The following WRN variants were observed in gnomAD, a reference collection of about 807,000 sequenced individuals.
WRN encodes bifunctional 3'-5' exonuclease/ATP-dependent helicase WRN.
WRN carries 149 observed loss-of-function variants against 180.7 expected under a neutral mutation model. That is an observed-to-expected ratio of 0.82 (90% CI 0.72 to 0.94). WRN has a LOEUF of 0.94. Ranked by LOEUF, WRN falls within the 40% of genes least tolerant of loss-of-function variation. The pLI is 0.00. For synonymous variants in WRN, 548 were observed against 568.9 expected (o/e 0.96, Z 0.52); for missense variants, 1,661 against 1,700.1 (o/e 0.98, Z 0.40).
intron 33 of WRN, among the ~76,000 whole-genome samples, chr8:31,158,453 C>G (rs1268573688): frequency 1.3e-5 from 2 of 151,754 alleles, no homozygotes; most frequent in African/African-American, 4.8e-5. Flanking sequence ...AGGATTTTCT[C>G]TCCTAGATGT....
At chr8:31,143,501 A>G in intron 27 of WRN, 49 bp from the exon 28 acceptor site, 2 of 1,307,406 alleles carry the variant, frequency 1.5e-6, no homozygotes, top group South Asian at 2.6e-5. Context: ...TTCACATTTA[A>G]AAGTTTTTTG....
intron 18 of WRN, among the ~76,000 whole-genome samples, chr8:31,106,729 A>G (rs1353887222): frequency 2.6e-5 from 4 of 152,182 alleles, no homozygotes; most frequent in Non-Finnish European, 4.4e-5. Context: ...TGCTGTTTTA[A>G]AAATAGCACT....
rs144821061 is a variant in WRN, at chr8:31,042,549, G to T, written c.-77+8576G>T. Among the ~76,000 whole-genome samples the T allele has an allele frequency of 2.4e-3, 367 of 152,350 alleles. 1 individual carries two copies. Among genetic ancestry groups the T allele is most frequent in the African/African-American group, 8.6e-3 (357 of 41,578 alleles). On this transcript the variant is annotated intron_variant, in intron 1 of 34. Coordinates refer to ENST00000298139, the MANE Select transcript of WRN (RefSeq NM_000553.6). ...TGATGAGACTCTTCTTGTAGGAGTA[G>T]TAGGTGCCTTAAAGCACCTTTTCAT...
chr8:31,070,103 A>C (rs965195544), intron 7 of WRN, among the ~76,000 whole-genome samples: 4 of 151,758 alleles, frequency 2.6e-5, no homozygotes, highest in African/African-American at 9.7e-5. Flanking sequence ...CTCAGATTCC[A>C]GTGAATTGTA....
chr8:31,148,477 A>G (rs1445117771), intron 30 of WRN, among the ~76,000 whole-genome samples: 1 of 152,066 alleles, frequency 6.6e-6, no homozygotes, highest in African/African-American at 2.4e-5. Flanking sequence ...TTTTCCCTCT[A>G]AGTTACAGAA....
At chr8:31,035,742 G>C (rs1168094443) in intron 1 of WRN, among the ~76,000 whole-genome samples, 2 of 151,998 alleles carry the variant, frequency 1.3e-5, no homozygotes, top group Non-Finnish European at 2.9e-5. Flanking sequence ...CAGCTTTATT[G>C]AGATATAATT....
chr8:31,152,621 C>G (rs1419940601), intron 31 of WRN, among the ~76,000 whole-genome samples: 3 of 151,924 alleles, frequency 2.0e-5, no homozygotes, highest in African/African-American at 4.8e-5. Context: ...GTTGGCAAAG[C>G]TTACCTAAGC....
At chr8:31,108,145 TAAAAAA>T (rs919159988) in intron 18 of WRN, among the ~76,000 whole-genome samples, 11 of 152,290 alleles carry the variant, frequency 7.2e-5, no homozygotes, top group African/African-American at 2.2e-4. Flanking sequence ...TGCTGCCTGT[TAAAAAA>T]GAAATTAAGA....
chr8:31,167,434 G>A (rs1169869125), intron 34 of WRN, among the ~76,000 whole-genome samples: 1 of 152,064 alleles, frequency 6.6e-6, no homozygotes, highest in African/African-American at 2.4e-5. Flanking sequence ...TAGTCCATCT[G>A]TTTAGCTTAT....
intron 1 of WRN, among the ~76,000 whole-genome samples, chr8:31,047,600 A>G (rs1040285455): frequency 3.3e-5 from 5 of 152,178 alleles, no homozygotes; most frequent in Admixed American, 2.6e-4. Context: ...TTAAGGGTCT[A>G]GGGTGGAACG....
intron 7 of WRN, among the ~76,000 whole-genome samples, chr8:31,070,950 G>T (rs1401302559): frequency 6.6e-6 from 1 of 151,880 alleles, no homozygotes; most frequent in Non-Finnish European, 1.5e-5. Context: ...GGAGGCTGAG[G>T]CAGGAGAATC....
chr8:31,102,213 C>T (rs901681563), intron 18 of WRN, among the ~76,000 whole-genome samples: 2 of 152,236 alleles, frequency 1.3e-5, no homozygotes, highest in Non-Finnish European at 2.9e-5. Flanking sequence ...CTTCCCACCC[C>T]TGGCCCTAGC....
At position 31,175,425 on chromosome 8, in the gene WRN, C is replaced by G. The variant is rs1804247788; in HGVS notation, c.*2323C>G. ...ACCCCAGCCTGGCGACAGAGCAAGACTCCGTCTCAAAAATAAAAAAAGAAA... is the reference window on the plus strand; with the variant it reads ...ACCCCAGCCTGGCGACAGAGCAAGAGTCCGTCTCAAAAATAAAAAAAGAAA... On this transcript the variant is annotated 3_prime_UTR_variant, in exon 35 of 35. Coordinates refer to ENST00000298139, the MANE Select transcript of WRN (RefSeq NM_000553.6). 6.6e-6 allele frequency among the ~76,000 whole-genome samples: 1 copy of G among 152,142 alleles called. No homozygotes were observed. Among genetic ancestry groups the G allele is most frequent in the Non-Finnish European group, 1.5e-5 (1 of 68,036 alleles).
intron 31 of WRN, among the ~76,000 whole-genome samples, chr8:31,150,876 CTT>C (rs1426909687): frequency 6.6e-6 from 1 of 152,168 alleles, no homozygotes; most frequent in African/African-American, 2.4e-5. Context: ...GTAATGCTGT[CTT>C]TTGATAGTAA....
At chr8:31,081,336 G>A (rs2130122019) in intron 9 of WRN, 40 bp downstream of exon 9, 1 of 1,601,542 alleles carries the variant, frequency 6.2e-7, no homozygotes, top group Non-Finnish European at 8.5e-7. Flanking sequence ...GTTATTAGTA[G>A]GTTCTGGCAG....
chr8:31,131,839 A>C (rs1802188674), intron 23 of WRN: 1 of 159,772 alleles, frequency 6.3e-6, no homozygotes, highest in Admixed American at 6.4e-5. Context: ...CAGTCTCCTC[A>C]GCTGCTGCTT....
At chr8:31,107,698 A>G (rs530168114) in intron 18 of WRN, among the ~76,000 whole-genome samples, 7 of 152,286 alleles carry the variant, frequency 4.6e-5, no homozygotes, top group African/African-American at 1.4e-4. Context: ...GTTTCACACT[A>G]TATTATTTCA....
chr8:31,081,007 G>T lies in WRN; in HGVS notation c.980G>T (p.Gly327Val). ...LLSFEDSTTG[G>V]VQQKQIREHE... ...TCCTTTGAAGATTCAACTACTGGGG[G>T]AGTACAACAGAAACAAATTAGAGAA... The change falls in exon 9 of 35, where the codon GGA becomes GTA. Residue 327 changes from glycine to valine, a missense_variant. Coordinates refer to ENST00000298139, the MANE Select transcript of WRN (RefSeq NM_000553.6). 1 of 1,613,990 alleles carries T rather than the reference G, an allele frequency of 6.2e-7. No individual in the cohort carries two copies. Among genetic ancestry groups the T allele is most frequent in the Non-Finnish European group, 8.5e-7 (1 of 1,179,964 alleles).
chr8:31,098,728 C>G (rs535724410), intron 17 of WRN, among the ~76,000 whole-genome samples: 1 of 152,134 alleles, frequency 6.6e-6, no homozygotes, highest in Non-Finnish European at 1.5e-5. Flanking sequence ...GGATTTTTAA[C>G]AGAAACAGCA....
Sources: gnomAD v4.1 joint callset for allele counts (sites outside exome capture counted in the v4.1 genomes callset) on GRCh38, gnomAD v4.1.1 for gene constraint, MANE v1.5 for transcripts, NCBI Gene and HGNC (gene_info 2026-07-23, HGNC 2026-07-21) for gene names.